BMPR1B: variants seen among roughly 807,000 people sequenced by gnomAD.
The protein encoded by BMPR1B is bone morphogenetic protein receptor type-1B.
A neutral mutation model predicts 59.1 loss-of-function variants in BMPR1B; 12 were observed. The ratio of observed to expected loss-of-function variants is 0.20; its 90% CI spans 0.13 to 0.33. The LOEUF (loss-of-function observed/expected upper bound fraction) is 0.33, where lower values mean the gene tolerates loss of function less well. Among genes scored for constraint, BMPR1B ranks in the 10% least tolerant of loss-of-function variants. BMPR1B has a pLI of 1.00. For missense variants in BMPR1B, 550 were observed against 610.9 expected (o/e 0.90, Z 1.05); for synonymous variants, 237 against 207.3 (o/e 1.14, Z -1.23).
rs970597543 is a variant in BMPR1B, at chr4:94,998,631, C to G, written c.-18+2497C>G. 2.6e-5 allele frequency among the ~76,000 whole-genome samples: 4 copies of G among 152,228 alleles called. No homozygotes were observed. In the East Asian group the frequency reaches 7.7e-4, roughly 29 times the overall value. The stretch of plus-strand genomic sequence containing the variant: ...CAGGTGATCTGCCTGTCTCGGCCTC[C>G]CAAAGTGCTGGGATTACAGGTGTGA... On this transcript the variant is annotated intron_variant, in intron 3 of 12. Transcript: ENST00000515059.
At chr4:95,149,003 T>C in intron 11 of BMPR1B, 80 bp downstream of exon 11, 3 of 1,535,704 alleles carry the variant, frequency 2.0e-6, no homozygotes, top group Non-Finnish European at 2.7e-6. Context: ...ATCAAAGTTA[T>C]CATACTGTCT....
chr4:94,947,987 G>A (rs2149050787), intron 2 of BMPR1B, among the ~76,000 whole-genome samples: 1 of 152,306 alleles, frequency 6.6e-6, no homozygotes, highest in Middle Eastern at 3.4e-3. Flanking sequence ...GCTATTATGT[G>A]TTAAGTTCTT....
At position 94,921,949 on chromosome 4, in the gene BMPR1B, A is replaced by G. The variant is rs374197516; in HGVS notation, c.-113+46049A>G. On this transcript the variant is annotated intron_variant, in intron 2 of 12. Transcript: ENST00000515059. ...GATTAGCAATTTTTCTGAAAAAAAA[A>G]ATTCTCATTTTGTTAGCATGTTTTC... Among the ~76,000 whole-genome samples the G allele has an allele frequency of 1.7e-4, 26 of 152,140 alleles. No individual in the cohort carries two copies. The South Asian group carries it at 4.2e-3, about 24-fold the overall frequency.
intron 2 of BMPR1B, among the ~76,000 whole-genome samples, chr4:94,882,042 G>A (rs1254288506): frequency 6.6e-6 from 1 of 152,168 alleles, no homozygotes; most frequent in African/African-American, 2.4e-5. Flanking sequence ...TCAAGAATGT[G>A]TGAAAAGCTG....
intron 1 of BMPR1B, among the ~76,000 whole-genome samples, chr4:94,853,047 C>T (rs1725623831): frequency 6.6e-6 from 1 of 152,128 alleles, no homozygotes; most frequent in African/African-American, 2.4e-5. Flanking sequence ...TCGTGGTCCC[C>T]AGCCTGGAGT....
intron 3 of BMPR1B, among the ~76,000 whole-genome samples, chr4:95,066,539 T>G (rs1416968465): frequency 6.6e-6 from 1 of 152,324 alleles, no homozygotes; most frequent in South Asian, 2.1e-4. Context: ...CTTCTGTTTC[T>G]AGAGCTTGTA....
intron 2 of BMPR1B, among the ~76,000 whole-genome samples, chr4:94,948,056 A>C (rs1729785754): frequency 1.3e-5 from 2 of 152,212 alleles, no homozygotes; most frequent in South Asian, 4.1e-4. Flanking sequence ...ATGGGGGAAC[A>C]AGTTACATTC....
Position 95,125,067 on chromosome 4 carries a change from AGACTTAATT to A in BMPR1B, c.534_542del (p.Asp178_Ile180del), listed in dbSNP as rs1732808840. The A allele has an allele frequency of 6.2e-7, 1 of 1,613,760 alleles. No individual in the cohort carries two copies. Among genetic ancestry groups the A allele is most frequent in the Non-Finnish European group, 8.5e-7 (1 of 1,179,830 alleles). ...ACATTCCTCCTGGAGAATCCCTGAG[AGACTTAATT>A]GAGCAGTCTCAGAGCTCAGGAAGTG... On this transcript the variant is annotated inframe_deletion, in exon 8 of 13. Coordinates refer to ENST00000515059, the MANE Select transcript of BMPR1B (RefSeq NM_001203.3).
chr4:95,096,747 A>ATG (rs1730410654), intron 3 of BMPR1B, among the ~76,000 whole-genome samples: 6 of 18,772 alleles, frequency 3.2e-4, no homozygotes, highest in Non-Finnish European at 5.9e-4. Context: ...ATATATAACT[A>ATG]TATATAGTTA....
chr4:95,149,596 A>G (rs1369085), intron 11 of BMPR1B, among the ~76,000 whole-genome samples: 66,391 of 152,086 alleles, frequency 0.44, 16,907 homozygotes, highest in Admixed American at 0.58. Context: ...TCTTCGAGTA[A>G]ATTCTGACAC....
At chr4:94,873,467 C>T (rs1488560049) in intron 1 of BMPR1B, among the ~76,000 whole-genome samples, 3 of 149,160 alleles carry the variant, frequency 2.0e-5, no homozygotes, top group South Asian at 2.1e-4. Flanking sequence ...AATGCAGTGG[C>T]GCGATCTCGG....
At chr4:94,882,706 T>G (rs1727022090) in intron 2 of BMPR1B, among the ~76,000 whole-genome samples, 1 of 152,162 alleles carries the variant, frequency 6.6e-6, no homozygotes, top group Non-Finnish European at 1.5e-5. Context: ...AAAGATACAG[T>G]GTTTGTGATT....
chr4:95,130,663 C>G (rs1733263841), intron 9 of BMPR1B, among the ~76,000 whole-genome samples: 1 of 150,192 alleles, frequency 6.7e-6, no homozygotes, highest in South Asian at 2.1e-4. Context: ...ACCATATTTT[C>G]AGATGTAAAC....
At chr4:94,822,639 A>G (rs1170162568) in intron 1 of BMPR1B, among the ~76,000 whole-genome samples, 2 of 152,062 alleles carry the variant, frequency 1.3e-5, no homozygotes, top group Non-Finnish European at 2.9e-5. Flanking sequence ...CCTATCAGTG[A>G]TACTAGGGGG....
At chr4:94,884,919 A>G (rs1249296150) in intron 2 of BMPR1B, among the ~76,000 whole-genome samples, 1 of 152,184 alleles carries the variant, frequency 6.6e-6, no homozygotes, top group Non-Finnish European at 1.5e-5. Flanking sequence ...CCTGGGCCTT[A>G]AGAGGTCTTG....
chr4:94,841,974 A>G (rs1164876253), intron 1 of BMPR1B, among the ~76,000 whole-genome samples: 1 of 152,170 alleles, frequency 6.6e-6, no homozygotes, highest in African/African-American at 2.4e-5. Flanking sequence ...TAATAATAAC[A>G]TGGATCCCCA....
chr4:94,863,410 A>G (rs1009502829), intron 1 of BMPR1B, among the ~76,000 whole-genome samples: 6 of 152,192 alleles, frequency 3.9e-5, no homozygotes, highest in African/African-American at 7.2e-5. Context: ...TCTTGAGTAT[A>G]TCAGTCGAGG....
chr4:94,886,889 A>C (rs1727189181), intron 2 of BMPR1B, among the ~76,000 whole-genome samples: 1 of 152,168 alleles, frequency 6.6e-6, no homozygotes, highest in African/African-American at 2.4e-5. Context: ...TAGGTCAGAT[A>C]TACCTCAAAT....
chr4:95,062,785 G>A (rs571376157), intron 3 of BMPR1B, among the ~76,000 whole-genome samples: 2 of 152,246 alleles, frequency 1.3e-5, no homozygotes, highest in South Asian at 4.2e-4. Context: ...GCTGTAGAAT[G>A]TTTTAGAATA....
Sources: allele counts gnomAD v4.1 joint callset (sites outside exome capture counted in the v4.1 genomes callset), GRCh38; gene constraint gnomAD v4.1.1; transcripts MANE v1.5; gene names NCBI Gene and HGNC (gene_info 2026-07-23, HGNC 2026-07-21).